FOXN3: variants seen among roughly 807,000 people sequenced by gnomAD.
The protein encoded by FOXN3 is forkhead box N3, also known as forkhead box protein N3.
A neutral mutation model predicts 38.4 loss-of-function variants in FOXN3; 7 were observed. The ratio of observed to expected loss-of-function variants is 0.18; its 90% confidence interval spans 0.10 to 0.34. The LOEUF (loss-of-function observed/expected upper bound fraction) is 0.34, where lower values mean the gene tolerates loss of function less well. Among genes scored for constraint, FOXN3 ranks in the 10% least tolerant of loss-of-function variants. The pLI is 1.00. For missense variants in FOXN3, 456 were observed against 613.4 expected (o/e 0.74, Z 2.71); for synonymous variants, 230 against 242.2 (o/e 0.95, Z 0.47).
At chr14:89,436,538 C>T (rs1892279816) in intron 1 of FOXN3, among the ~76,000 whole-genome samples, 1 of 152,200 alleles carries the variant, frequency 6.6e-6, no homozygotes. Flanking sequence ...GGACTGACCC[C>T]ATCGTCTGCG....
rs930174991 is a variant in FOXN3, at chr14:89,163,545, G to T, written c.852-576C>A. Among the ~76,000 whole-genome samples, 2 of 152,148 alleles carry T rather than the reference G, an allele frequency of 1.3e-5. No individual in the cohort carries two copies. The highest frequency in any genetic ancestry group is 6.5e-5 in the Admixed American group (1 of 15,278). On this transcript the variant is annotated intron_variant, in intron 5 of 5. Transcript: ENST00000557258. This position sits in a 1 kb window ranked among gnomAD's most constrained non-coding sequence, Gnocchi z 4.3. The stretch of plus-strand genomic sequence containing the variant: ...AACAGAAATGCATGACCTTAGGGAG[G>T]GTTCTGGGGGAGGGACACGGGGTTG...
In FOXN3 at chr14:89,427,653, A is replaced by C. The variant is rs537229510; in HGVS notation, c.-14-15163T>G. Among the ~76,000 whole-genome samples, 22 of 152,034 alleles carry C rather than the reference A, an allele frequency of 1.4e-4. No individual in the cohort carries two copies. In the South Asian group the frequency reaches 4.4e-3, roughly 30 times the overall value. ...AACTGAATGAAAAGGCACTACTTGC[A>C]AAAACTCAAAGTTCAACTTCTATGT... On this transcript the variant is annotated intron_variant, in intron 1 of 6. Transcript: ENST00000345097.
At chr14:89,604,336 G>A (rs887679053) in intron 1 of FOXN3, among the ~76,000 whole-genome samples, 2 of 151,844 alleles carry the variant, frequency 1.3e-5, no homozygotes, top group African/African-American at 2.4e-5. Flanking sequence ...ATAGAGAGGA[G>A]AACCCGGCCA....
chr14:89,302,816 C>T (rs574580810), intron 3 of FOXN3, among the ~76,000 whole-genome samples: 1 of 152,250 alleles, frequency 6.6e-6, no homozygotes, highest in African/African-American at 2.4e-5. Context: ...TCTTCAAAGG[C>T]TGCCCACCTC....
intron 4 of FOXN3, among the ~76,000 whole-genome samples, chr14:89,253,410 C>CCGTGAGG (rs1159864005): frequency 2.0e-5 from 3 of 152,126 alleles, no homozygotes; most frequent in Admixed American, 6.5e-5. Context: ...TTTCACCACT[C>CCGTGAGG]CGTGAGGCGT....
intron 1 of FOXN3, among the ~76,000 whole-genome samples, chr14:89,530,207 G>T (rs1458273359): frequency 6.6e-6 from 1 of 152,086 alleles, no homozygotes; most frequent in Non-Finnish European, 1.5e-5. Flanking sequence ...CAAAGTGTTG[G>T]GATTACAGGC....
intron 1 of FOXN3, among the ~76,000 whole-genome samples, chr14:89,611,448 T>C (rs1374150938): frequency 6.6e-6 from 1 of 152,164 alleles, no homozygotes; most frequent in African/African-American, 2.4e-5. Flanking sequence ...GACTTTTTAT[T>C]TACCAAGTAG....
chr14:89,492,779 T>C (rs1893609200), intron 1 of FOXN3, among the ~76,000 whole-genome samples: 1 of 152,180 alleles, frequency 6.6e-6, no homozygotes, highest in African/African-American at 2.4e-5. Context: ...CATCTCTGGA[T>C]TGCTCAGACT....
intron 2 of FOXN3, among the ~76,000 whole-genome samples, chr14:89,374,524 A>C (rs573292312): frequency 6.6e-6 from 1 of 152,246 alleles, no homozygotes; most frequent in East Asian, 1.9e-4. Flanking sequence ...AAATAATACA[A>C]AACCCATCAG....
chr14:89,232,629 A>C (rs1209122936), intron 4 of FOXN3, among the ~76,000 whole-genome samples: 1 of 152,190 alleles, frequency 6.6e-6, no homozygotes, highest in African/African-American at 2.4e-5. Flanking sequence ...AACTAATCCC[A>C]CTTACTCACC....
At chr14:89,326,539 A>G (rs1470428071) in intron 3 of FOXN3, among the ~76,000 whole-genome samples, 2 of 152,226 alleles carry the variant, frequency 1.3e-5, no homozygotes, top group African/African-American at 4.8e-5. Flanking sequence ...ACTTTAGTCA[A>G]AAGTAATGAA....
At chr14:89,272,103 A>G (rs570383746) in intron 4 of FOXN3, among the ~76,000 whole-genome samples, 1 of 152,324 alleles carries the variant, frequency 6.6e-6, no homozygotes, top group South Asian at 2.1e-4. Context: ...TGAGGTCAGG[A>G]GTTCGAGACC....
intron 1 of FOXN3, among the ~76,000 whole-genome samples, chr14:89,590,236 T>A (rs1895922471): frequency 6.6e-6 from 1 of 152,300 alleles, no homozygotes; most frequent in East Asian, 1.9e-4. Flanking sequence ...GCCTTCATGT[T>A]TGCCCTGTAA....
intron 4 of FOXN3, among the ~76,000 whole-genome samples, chr14:89,260,138 A>G (rs1441145763): frequency 6.6e-6 from 1 of 152,232 alleles, no homozygotes; most frequent in Non-Finnish European, 1.5e-5. Flanking sequence ...TGATTTTTAT[A>G]ATCCTGGGAA....
At chr14:89,252,374 G>A (rs376334171) in intron 4 of FOXN3, among the ~76,000 whole-genome samples, 3 of 152,138 alleles carry the variant, frequency 2.0e-5, no homozygotes, top group Non-Finnish European at 2.9e-5. Context: ...CAGGAAATTG[G>A]CTGGGTGCAG....
upstream of FOXN3, among the ~76,000 whole-genome samples, chr14:89,420,690 G>C (rs1383361949): frequency 1.3e-5 from 2 of 152,126 alleles, no homozygotes; most frequent in Admixed American, 6.5e-5. Context: ...CAAGTGCATG[G>C]CATTGTGTTA....
At chr14:89,301,896 G>A (rs1193052767) in intron 3 of FOXN3, among the ~76,000 whole-genome samples, 5 of 152,088 alleles carry the variant, frequency 3.3e-5, no homozygotes, top group East Asian at 3.9e-4. Context: ...GGCCCGGCCC[G>A]ACCTCAAAGG....
chr14:89,426,712 G>T (rs1332427026), intron 1 of FOXN3, among the ~76,000 whole-genome samples: 1 of 152,160 alleles, frequency 6.6e-6, no homozygotes, highest in Non-Finnish European at 1.5e-5. Flanking sequence ...ATGTGAAGTA[G>T]GTACTATTAT....
intron 4 of FOXN3, among the ~76,000 whole-genome samples, chr14:89,249,537 C>T (rs180793254): frequency 8.5e-5 from 13 of 152,316 alleles, no homozygotes; most frequent in Admixed American, 7.2e-4. Flanking sequence ...AGGAATGAAA[C>T]AATAACTTCC....
Sources: gnomAD v4.1 joint callset for allele counts (sites outside exome capture counted in the v4.1 genomes callset) on GRCh38, gnomAD v4.1.1 for gene constraint, Gnocchi (gnomAD v3.1) non-coding constraint, MANE v1.5 for transcripts, NCBI Gene and HGNC (gene_info 2026-07-23, HGNC 2026-07-21) for gene names.